The following RMI1 variants were observed in gnomAD, a reference collection of about 807,000 sequenced individuals.
The protein encoded by RMI1 is recQ-mediated genome instability protein 1.
RMI1 carries 36 observed loss-of-function variants against 46.7 expected under a neutral mutation model. The observed-to-expected ratio is 0.77, with a 90% CI of 0.59 to 1.02. The LOEUF (loss-of-function observed/expected upper bound fraction) is 1.02. Among genes scored for constraint, RMI1 ranks in the 50% least tolerant of loss-of-function variants. The pLI is 0.00. For missense variants in RMI1, 676 were observed against 713.7 expected, an observed-to-expected ratio of 0.95 and a Z score of 0.60; for synonymous variants, 250 against 252.9, an observed-to-expected ratio of 0.99 and a Z score of 0.11.
At chr9:83,996,976 C>T (rs1278358693) in intron 1 of RMI1, among the ~76,000 whole-genome samples, 1 of 149,230 alleles carries the variant, frequency 6.7e-6, no homozygotes, top group Admixed American at 6.7e-5. Flanking sequence ...TTGTCATTAG[C>T]AACAACATAG....
At chr9:83,986,000 CTCCA>C (rs950944771) in intron 1 of RMI1, among the ~76,000 whole-genome samples, 1 of 151,564 alleles carries the variant, frequency 6.6e-6, no homozygotes, top group African/African-American at 2.4e-5. Context: ...CAGAGCAAGA[CTCCA>C]AAAAAAACCC....
intron 1 of RMI1, among the ~76,000 whole-genome samples, chr9:83,988,837 A>G (rs1957528647): frequency 6.6e-6 from 1 of 151,894 alleles, no homozygotes; most frequent in African/African-American, 2.4e-5. Context: ...TGAAGTTTCC[A>G]TATCGTTTTT....
intron 1 of RMI1, among the ~76,000 whole-genome samples, chr9:83,987,954 C>T (rs1007047717): frequency 1.8e-4 from 27 of 152,158 alleles, no homozygotes; most frequent in Middle Eastern, 3.4e-3. Context: ...AGTGCAAACA[C>T]GGCTCACTGC....
rs1957710132 is a variant in RMI1 at position 83,999,652 on chromosome 9, CCTGTCT to C, written c.-125-56_-125-51del. 2.0e-5 allele frequency: 3 copies of C among 152,258 alleles called. No homozygotes were observed. In the East Asian group the frequency reaches 5.8e-4, roughly 29 times the overall value. The allele number at this position is 152,258 out of a possible 1,614,324, so 9.4% of individuals were successfully genotyped here. On this transcript the variant is annotated intron_variant, in intron 1 of 2. Transcript: ENST00000445877. ...AAACTCTTGCACTTAAGAAAATAGTCCTGTCTTTCTACAACTTCATCTTATAACTCT... is the reference window on the plus strand; with the variant it reads ...AAACTCTTGCACTTAAGAAAATAGTCTTCTACAACTTCATCTTATAACTCT...
At chr9:83,995,637 A>C (rs1234091602) in intron 1 of RMI1, among the ~76,000 whole-genome samples, 2 of 152,010 alleles carry the variant, frequency 1.3e-5, no homozygotes, top group East Asian at 3.9e-4. Context: ...CATATTGGTC[A>C]GGCTGTTCTT....
rs376307509 is a variant in RMI1 at position 84,002,101 on chromosome 9, A to G, written c.1115A>G (p.Asn372Ser). ...FSLTCKNGNNNWSEKNVSEQM... is the reference protein window; with the variant it reads ...FSLTCKNGNNSWSEKNVSEQM... ...TTGACTTGCAAAAATGGAAACAATA[A>G]TTGGAGTGAAAAAAATGTATCTGAA... The change falls in exon 3 of 3, where the codon AAT (asparagine) becomes AGT (serine). Residue 372 changes from asparagine (N) to serine (S), a missense_variant. By Grantham distance (46) the Asn-to-Ser change is conservative. Transcript: ENST00000445877. The G allele has an allele frequency of 1.4e-5, 23 of 1,613,754 alleles. No homozygotes were observed. Among genetic ancestry groups the G allele is most frequent in the Middle Eastern group, 1.6e-4 (1 of 6,082 alleles).
At chr9:83,991,261 TTC>T (rs1340820906) in intron 1 of RMI1, among the ~76,000 whole-genome samples, 4 of 152,106 alleles carry the variant, frequency 2.6e-5, no homozygotes, top group South Asian at 4.1e-4. Flanking sequence ...CGTTTTAAAT[TTC>T]TTTCTTTTAT....
At position 84,002,938 on chromosome 9, in the gene RMI1, T is replaced by C. The variant is rs73471400; in HGVS notation, c.*74T>C. The C allele has an allele frequency of 2.2e-3, 2,005 of 897,796 alleles. 27 individuals carry two copies. In the African/African-American group the frequency reaches 0.029, roughly 13 times the overall value. 55.6% of individuals were successfully genotyped at this position (897,796 alleles called of 1,614,324 possible). The stretch of plus-strand genomic sequence containing the variant: ...TAGAATTTGTTCACAATTTTACTTA[T>C]GATACTTTGTGTAAAAAGGAAAAAT... On this transcript the variant is annotated 3_prime_UTR_variant, in exon 3 of 3. Transcript: ENST00000445877.
At position 84,003,529 on chromosome 9, in the gene RMI1, C is replaced by G. The variant is rs1564087872; in HGVS notation, c.*665C>G. ...CTATGGCCATACCACCCTGAACATG[C>G]CTGAGCTTGTCATAATATGTTGAGT... On this transcript the variant is annotated 3_prime_UTR_variant, in exon 3 of 3. Transcript: ENST00000445877. The G allele has an allele frequency of 4.8e-5, 8 of 166,466 alleles. No individual in the cohort carries two copies. 10.3% of individuals were successfully genotyped at this position (166,466 alleles called of 1,614,324 possible). A position where few individuals can be genotyped will look rare whatever the true frequency, so the allele number is the denominator to read the frequency against.
At chr9:83,993,672 C>T (rs891378819) in intron 1 of RMI1, among the ~76,000 whole-genome samples, 1 of 152,112 alleles carries the variant, frequency 6.6e-6, no homozygotes, top group Non-Finnish European at 1.5e-5. Context: ...GATATTGGCA[C>T]TTCTAACAGG....
intron 1 of RMI1, among the ~76,000 whole-genome samples, chr9:83,995,672 C>T (rs1485861215): frequency 6.6e-6 from 1 of 152,196 alleles, no homozygotes; most frequent in Non-Finnish European, 1.5e-5. Context: ...AGGTGATCCA[C>T]CCACCTCGGC....
At position 84,003,847 on chromosome 9, in the gene RMI1, T is replaced by C. The variant is rs1303156161; in HGVS notation, c.*983T>C. On this transcript the variant is annotated 3_prime_UTR_variant, in exon 3 of 3. Coordinates refer to ENST00000445877, the MANE Select transcript of RMI1 (RefSeq NM_001358291.2). ...GATTAAAATGAAGCATTTATCTATG[T>C]CTTTAGGTGTCATTGTTCCCTTTCT... is the stretch of plus-strand genomic sequence containing the variant. 1 of 167,016 alleles carries C rather than the reference T, an allele frequency of 6.0e-6. No individual in the cohort carries two copies. Among genetic ancestry groups the C allele is most frequent in the Non-Finnish European group, 1.5e-5 (1 of 68,094 alleles). The allele number at this position is 167,016 out of a possible 1,614,324, so 10.3% of individuals were successfully genotyped here.
chr9:84,002,823 A>T lies in RMI1; in HGVS notation c.1837A>T (p.Met613Leu), dbSNP rs968787496. 1.9e-6 allele frequency: 3 copies of T among 1,585,792 alleles called. No individual in the cohort carries two copies. Among genetic ancestry groups the T allele is most frequent in the Non-Finnish European group, 2.6e-6 (3 of 1,159,318 alleles). ...GGTACTGGCATTACAAGATGTTAAT[A>T]TGGAACACCTTGAGAATCTAAAGAA... ...AMVLALQDVNMEHLENLKKRL... is the reference protein window; with the variant it reads ...AMVLALQDVNLEHLENLKKRL... Residue 613 changes from methionine to leucine, a missense_variant, in exon 3 of 3, where the codon ATG becomes TTG. Met to Leu is a conservative substitution (Grantham distance 15). Transcript: ENST00000445877.
At chr9:83,982,590 C>G (rs1211998268) in intron 1 of RMI1, among the ~76,000 whole-genome samples, 3 of 152,102 alleles carry the variant, frequency 2.0e-5, no homozygotes, top group East Asian at 3.9e-4. Flanking sequence ...ATGGCGTGAA[C>G]CCGGAAGGCT....
intron 1 of RMI1, among the ~76,000 whole-genome samples, chr9:83,989,076 C>CT (rs1311869820): frequency 2.6e-5 from 4 of 152,170 alleles, no homozygotes; most frequent in African/African-American, 9.7e-5. Context: ...CCAGGCTGGT[C>CT]TTTATTTCCT....
At position 84,001,861 on chromosome 9, in the gene RMI1, C is replaced by T. The variant is rs370864252; in HGVS notation, c.875C>T (p.Ser292Phe). The T allele has an allele frequency of 1.1e-5, 18 of 1,613,902 alleles. No individual in the cohort carries two copies. The highest frequency in any genetic ancestry group is 1.5e-5 in the Non-Finnish European group (18 of 1,179,950). ...AGTTTTGAGCCAGAATTTGTTATTT[C>T]TCCAAGACCAAAAGAGGAACCATCA... is the stretch of plus-strand genomic sequence containing the variant. ...QSSFEPEFVISPRPKEEPSNL... is the reference protein window; with the variant it reads ...QSSFEPEFVIFPRPKEEPSNL... The change falls in exon 3 of 3, where the codon TCT becomes TTT. Residue 292 changes from serine (S) to phenylalanine (F), a missense_variant. Ser to Phe is a radical substitution (Grantham distance 155). Coordinates refer to ENST00000445877, the MANE Select transcript of RMI1 (RefSeq NM_001358291.2).
chr9:83,994,776 C>G (rs1564082421), intron 1 of RMI1, among the ~76,000 whole-genome samples: 1 of 152,132 alleles, frequency 6.6e-6, no homozygotes, highest in Non-Finnish European at 1.5e-5. Context: ...ATCTCGGCCT[C>G]CCAAGTGTTG....
intron 1 of RMI1, chr9:83,981,122 T>G (rs1957377710): frequency 6.6e-6 from 1 of 152,294 alleles, no homozygotes; most frequent in Admixed American, 6.5e-5. Flanking sequence ...CTGGCGGTTC[T>G]CGGCCTGCCT....
At chr9:83,991,402 A>C (rs920269897) in intron 1 of RMI1, among the ~76,000 whole-genome samples, 2 of 151,644 alleles carry the variant, frequency 1.3e-5, no homozygotes, top group African/African-American at 4.8e-5. Context: ...TACAGCCTCA[A>C]CCTCCTGGGC....
Sources: gnomAD v4.1 joint callset for allele counts (sites outside exome capture counted in the v4.1 genomes callset) on GRCh38, gnomAD v4.1.1 for gene constraint, MANE v1.5 for transcripts, NCBI Gene and HGNC (gene_info 2026-07-23, HGNC 2026-07-21) for gene names.